PKP4: variants seen among roughly 807,000 people sequenced by gnomAD.
PKP4 encodes the protein plakophilin 4, also known as plakophilin-4.
Under a neutral mutation model 145.1 loss-of-function variants are expected in PKP4, and 90 were observed. That is an observed-to-expected ratio of 0.62 (90% CI 0.52 to 0.74). The LOEUF is 0.74. Among genes scored for constraint, PKP4 ranks in the 30% least tolerant of loss-of-function variants. The pLI, the probability that PKP4 is intolerant of heterozygous loss-of-function variation, is 0.00. For synonymous variants in PKP4, 563 were observed against 577.2 expected (o/e 0.98, Z 0.35); for missense variants, 1,340 against 1,482.7 (o/e 0.90, Z 1.58).
chr2:158,501,418 TC>T (rs1431431399), intron 1 of PKP4, among the ~76,000 whole-genome samples: 5 of 152,218 alleles, frequency 3.3e-5, no homozygotes, highest in African/African-American at 9.6e-5. Flanking sequence ...TTCTCAGCAT[TC>T]CACAGATGCC....
chr2:158,608,012 A>G (rs187398289), intron 4 of PKP4, among the ~76,000 whole-genome samples: 1 of 152,244 alleles, frequency 6.6e-6, no homozygotes, highest in African/African-American at 2.4e-5. Flanking sequence ...CAGGGTGACT[A>G]TAGTCAATAA....
chr2:158,559,626 G>A (rs2046357313), intron 2 of PKP4, among the ~76,000 whole-genome samples: 1 of 152,182 alleles, frequency 6.6e-6, no homozygotes, highest in East Asian at 1.9e-4. Flanking sequence ...ATGGAAGTAA[G>A]CTTGATCTTT....
intron 9 of PKP4, among the ~76,000 whole-genome samples, 180 bp from the exon 10 acceptor site, chr2:158,640,447 C>T (rs757888185): frequency 3.9e-5 from 6 of 152,216 alleles, no homozygotes; most frequent in Non-Finnish European, 7.3e-5. Context: ...AGATCATAAG[C>T]ATCTGGGCCT....
intron 11 of PKP4, among the ~76,000 whole-genome samples, chr2:158,656,243 A>C (rs765996316): frequency 6.6e-6 from 1 of 152,008 alleles, no homozygotes; most frequent in Admixed American, 6.6e-5. Flanking sequence ...ACAGTTTAAA[A>C]CCATTGCCCA....
chr2:158,553,629 A>G (rs961088523), intron 2 of PKP4, among the ~76,000 whole-genome samples: 7 of 152,242 alleles, frequency 4.6e-5, no homozygotes, highest in East Asian at 1.9e-4. Flanking sequence ...GCCTAGAGTC[A>G]TAGTCTCAGA....
At chr2:158,504,291 G>A (rs889115190) in intron 1 of PKP4, among the ~76,000 whole-genome samples, 1 of 152,148 alleles carries the variant, frequency 6.6e-6, no homozygotes, top group African/African-American at 2.4e-5. Flanking sequence ...TGAAGTACAC[G>A]GCCCAGGGCC....
chr2:158,458,604 T>A (rs941895935), intron 1 of PKP4, among the ~76,000 whole-genome samples: 1 of 152,184 alleles, frequency 6.6e-6, no homozygotes, highest in Non-Finnish European at 1.5e-5. Context: ...GCAGCCAACA[T>A]ATTTTAGCTC....
chr2:158,574,867 G>C (rs1193494361), intron 2 of PKP4, among the ~76,000 whole-genome samples: 1 of 152,152 alleles, frequency 6.6e-6, no homozygotes, highest in Admixed American at 6.5e-5. Flanking sequence ...AATGTTAAAG[G>C]AATTGCCCTA....
intron 1 of PKP4, among the ~76,000 whole-genome samples, chr2:158,473,611 A>G (rs1691956947): frequency 1.3e-5 from 2 of 152,096 alleles, no homozygotes; most frequent in Non-Finnish European, 2.9e-5. Context: ...AATGATGAGA[A>G]GTCACAGACA....
chr2:158,520,778 G>T lies in PKP4; in HGVS notation c.-5-12402G>T, dbSNP rs117935038. On this transcript the variant is annotated intron_variant, in intron 1 of 21. Transcript: ENST00000389759. The stretch of plus-strand genomic sequence containing the variant: ...TCATTTCCTTGCCACCTATGCATGC[G>T]TTCTTAGTAAGCAGAGTTTTATTTT... Among the ~76,000 whole-genome samples, 29 of 152,236 alleles carry T rather than the reference G, an allele frequency of 1.9e-4. No homozygotes were observed. In the East Asian group the frequency reaches 5.6e-3, roughly 29 times the overall value.
Position 158,519,453 on chromosome 2 carries a change from C to T in PKP4, c.-5-13727C>T, listed in dbSNP as rs531464569. On this transcript the variant is annotated intron_variant, in intron 1 of 21. Transcript: ENST00000389759. Reference sequence around the variant, plus strand: ...CTCTGCCAGTGACAAAATGCTTGGGCACTTGCAGGGTAGGCGCTGACCACC... The same window carrying T: ...CTCTGCCAGTGACAAAATGCTTGGGTACTTGCAGGGTAGGCGCTGACCACC... Among the ~76,000 whole-genome samples, 47 of 152,164 alleles carry T rather than the reference C, an allele frequency of 3.1e-4. 1 individual carries two copies. Among genetic ancestry groups the T allele is most frequent in the Non-Finnish European group, 5.9e-4 (40 of 68,044 alleles).
intron 1 of PKP4, among the ~76,000 whole-genome samples, chr2:158,496,790 G>GTGTGTGTCTGTGTC (rs146738816): frequency 0.076 from 11,322 of 149,716 alleles, 603 homozygotes; most frequent in Non-Finnish European, 0.12. Context: ...GTGTGTGTGT[G>GTGTGTGTCTGTGTC]TGTGTCTGTG....
At chr2:158,656,485 T>C (rs1010332) in intron 11 of PKP4, among the ~76,000 whole-genome samples, 105,346 of 151,986 alleles carry the variant, frequency 0.69, 38,594 homozygotes, top group East Asian at 0.92. Context: ...ACTTGCCTGA[T>C]TCAGAACTGT....
intron 1 of PKP4, among the ~76,000 whole-genome samples, chr2:158,503,809 A>C (rs189684761): frequency 9.2e-4 from 140 of 152,292 alleles, no homozygotes; most frequent in Non-Finnish European, 1.6e-3. Flanking sequence ...AGTGCTTGTC[A>C]ACCTTGAATG....
In PKP4 at chr2:158,631,891, G is replaced by A. The variant is rs773111186; in HGVS notation, c.1292G>A (p.Gly431Glu). ...CCAGTGTACCGCAGCCCAAACCATG[G>A]AACTGTGGAGCTCCAAGGATCGCAG... ...YSPVYRSPNHGTVELQGSQTA... is the reference protein window; with the variant it reads ...YSPVYRSPNHETVELQGSQTA... The change falls in exon 8 of 22, where the codon GGA (glycine) becomes GAA (glutamate). Residue 431 changes from glycine (G) to glutamate (E), a missense_variant. Physicochemically the swap from Gly to Glu is moderately conservative, Grantham distance 98 (BLOSUM62 -2). Transcript: ENST00000389759. 1.2e-5 allele frequency: 20 copies of A among 1,614,136 alleles called. No homozygotes were observed. The South Asian group carries it at 2.1e-4, about 17-fold the overall frequency.
intron 2 of PKP4, among the ~76,000 whole-genome samples, chr2:158,554,895 G>A (rs902145023): frequency 6.6e-6 from 1 of 152,234 alleles, no homozygotes; most frequent in South Asian, 2.1e-4. Context: ...AAAGATGTTA[G>A]GTAGCAAGAA....
At chr2:158,645,124 A>G (rs758451104) in intron 11 of PKP4, among the ~76,000 whole-genome samples, 1 of 152,246 alleles carries the variant, frequency 6.6e-6, no homozygotes, top group Non-Finnish European at 1.5e-5. Flanking sequence ...CCAAAAGTAG[A>G]ATATACGTTA....
At chr2:158,568,447 G>A (rs368365654) in intron 2 of PKP4, among the ~76,000 whole-genome samples, 88 of 152,280 alleles carry the variant, frequency 5.8e-4, no homozygotes, top group African/African-American at 1.9e-3. Context: ...GAACTACTCC[G>A]TGCAGAAATA....
At chr2:158,476,356 C>G (rs1692473818) in intron 1 of PKP4, among the ~76,000 whole-genome samples, 1 of 152,000 alleles carries the variant, frequency 6.6e-6, no homozygotes, top group Non-Finnish European at 1.5e-5. Flanking sequence ...TTTTTAGAGA[C>G]CAGTCTCACT....
Sources: gnomAD v4.1 joint callset for allele counts (sites outside exome capture counted in the v4.1 genomes callset) on GRCh38, gnomAD v4.1.1 for gene constraint, MANE v1.5 for transcripts, NCBI Gene and HGNC (gene_info 2026-07-23, HGNC 2026-07-21) for gene names.